PDZD8: variants seen among roughly 807,000 people sequenced by gnomAD.
PDZD8 encodes the protein PDZ domain-containing protein 8.
A neutral mutation model predicts 85.8 loss-of-function variants in PDZD8; 14 were observed. The observed-to-expected ratio is 0.16, with a 90% CI of 0.11 to 0.26. The LOEUF is 0.26. Ranked by LOEUF, PDZD8 falls within the 10% of genes least tolerant of loss-of-function variation. The pLI is 1.00. For missense variants in PDZD8, 1,197 were observed against 1,424.3 expected, an observed-to-expected ratio of 0.84 and a Z score of 2.57; for synonymous variants, 592 against 568.6, an observed-to-expected ratio of 1.04 and a Z score of -0.59.
chr10:117,364,557 T>G (rs1845056529), intron 1 of PDZD8, among the ~76,000 whole-genome samples: 1 of 152,006 alleles, frequency 6.6e-6, no homozygotes, highest in African/African-American at 2.4e-5. Context: ...AACCACTATT[T>G]TTTTTAACAT....
chr10:117,325,488 C>T (rs1283165930), intron 2 of PDZD8, among the ~76,000 whole-genome samples: 1 of 142,522 alleles, frequency 7.0e-6, no homozygotes, highest in East Asian at 2.1e-4. Context: ...CTACAACCTC[C>T]ACCTCCTGGG....
chr10:117,373,232 C>T (rs1196393261), intron 1 of PDZD8, among the ~76,000 whole-genome samples: 1 of 152,112 alleles, frequency 6.6e-6, no homozygotes, highest in African/African-American at 2.4e-5. Context: ...TTTAAGCCAT[C>T]AGATGCTGGA....
At chr10:117,343,322 T>C (rs1020717474) in intron 1 of PDZD8, among the ~76,000 whole-genome samples, 12 of 152,282 alleles carry the variant, frequency 7.9e-5, no homozygotes, top group African/African-American at 2.9e-4. Flanking sequence ...GGTTTTCTCC[T>C]GTTTCTAAAC....
Position 117,331,734 on chromosome 10 carries a change from A to G in PDZD8, c.995+9246T>C, listed in dbSNP as rs73407950. Among the ~76,000 whole-genome samples, 722 of 152,318 alleles carry G rather than the reference A, an allele frequency of 4.7e-3. 11 individuals carry two copies. Among genetic ancestry groups the G allele is most frequent in the African/African-American group, 0.017 (694 of 41,570 alleles). ...CTGTGTTCCTACTTAGTTTTCTTAC[A>G]TTCTCTTACAATTCAGACATCAGAA... On this transcript the variant is annotated intron_variant, in intron 2 of 4. Coordinates refer to ENST00000334464, the MANE Select transcript of PDZD8 (RefSeq NM_173791.5).
intron 1 of PDZD8, among the ~76,000 whole-genome samples, chr10:117,370,928 G>C (rs998560279): frequency 1.3e-5 from 2 of 151,554 alleles, no homozygotes; most frequent in Non-Finnish European, 2.9e-5. Context: ...TTGTGTGTGT[G>C]TGTGTGTGTG....
At chr10:117,286,987 A>G (rs1221666658) in intron 4 of PDZD8, among the ~76,000 whole-genome samples, 1 of 152,036 alleles carries the variant, frequency 6.6e-6, no homozygotes, top group African/African-American at 2.4e-5. Context: ...CTGTTTCCCT[A>G]AAGTCTACTC....
intron 1 of PDZD8, among the ~76,000 whole-genome samples, chr10:117,346,101 C>T (rs1029793718): frequency 5.9e-5 from 9 of 151,616 alleles, no homozygotes; most frequent in South Asian, 4.2e-4. Flanking sequence ...ATTAGCCGGG[C>T]GTGGTGGCAT....
At chr10:117,353,153 C>G (rs867434842) in intron 1 of PDZD8, among the ~76,000 whole-genome samples, 12 of 152,266 alleles carry the variant, frequency 7.9e-5, no homozygotes, top group Middle Eastern at 6.8e-3. Flanking sequence ...ATCATGGGCT[C>G]TCTATTAAAT....
intron 2 of PDZD8, among the ~76,000 whole-genome samples, chr10:117,334,400 T>C (rs547573404): frequency 3.9e-5 from 6 of 152,198 alleles, no homozygotes; most frequent in Admixed American, 3.9e-4. Context: ...TCCCAGCTAC[T>C]TGGGAGGCTG....
chr10:117,354,494 C>T (rs1844859286), intron 1 of PDZD8, among the ~76,000 whole-genome samples: 1 of 152,196 alleles, frequency 6.6e-6, no homozygotes, highest in Admixed American at 6.5e-5. Flanking sequence ...CCACAATATG[C>T]TCCTACCCCA....
chr10:117,283,358 T>G lies in PDZD8; in HGVS notation c.3375A>C (p.Glu1125Asp), dbSNP rs371134404. Reference sequence around the variant, plus strand: ...GTTGGCTTATTTCATTATCAAGGTCTTCTTCTGTATCATCTGTGTACTTGC... The same window carrying G: ...GTTGGCTTATTTCATTATCAAGGTCGTCTTCTGTATCATCTGTGTACTTGC... ...KISKYTDDTE[E>D]DLDNEISQLI... is the part of the protein sequence containing the mutation. Residue 1125 changes from glutamate (E) to aspartate (D), a missense_variant, in exon 5 of 5, where the codon GAA (glutamate) becomes GAC (aspartate). Physicochemically the swap from Glu to Asp is conservative, Grantham distance 45 (BLOSUM62 2). Coordinates refer to ENST00000334464, the MANE Select transcript of PDZD8 (RefSeq NM_173791.5). 2.1e-5 allele frequency: 34 copies of G among 1,614,052 alleles called. No individual in the cohort carries two copies. The highest frequency in any genetic ancestry group is 5.3e-5 in the African/African-American group (4 of 74,952).
chr10:117,304,781 A>G (rs1479615682), intron 3 of PDZD8, among the ~76,000 whole-genome samples: 1 of 152,134 alleles, frequency 6.6e-6, no homozygotes, highest in Non-Finnish European at 1.5e-5. Flanking sequence ...CTGCCATGTA[A>G]GAAGTGTCTT....
At chr10:117,359,928 G>A (rs911471239) in intron 1 of PDZD8, among the ~76,000 whole-genome samples, 2 of 150,902 alleles carry the variant, frequency 1.3e-5, no homozygotes, top group African/African-American at 4.9e-5. Flanking sequence ...TTCCTACAGA[G>A]AAAAAAAAGT....
At chr10:117,294,786 C>T (rs1041249838) in intron 3 of PDZD8, among the ~76,000 whole-genome samples, 5 of 152,042 alleles carry the variant, frequency 3.3e-5, no homozygotes, top group Non-Finnish European at 7.4e-5. Context: ...TATGATCTCA[C>T]TCATATGTGG....
At chr10:117,315,376 C>T (rs1344636425) in intron 3 of PDZD8, among the ~76,000 whole-genome samples, 1 of 152,006 alleles carries the variant, frequency 6.6e-6, no homozygotes, top group Non-Finnish European at 1.5e-5. Context: ...GGGTGGATCA[C>T]CTGAGACCAG....
rs1162402744 is a variant in PDZD8 at position 117,279,922 on chromosome 10, T to C, written c.*3346A>G. ...TCTTTTGGTAAGAAAAGCAATTATG[T>C]CAATTTAGAAGACAGTATTTTTAAA... On this transcript the variant is annotated 3_prime_UTR_variant, in exon 5 of 5. Coordinates refer to ENST00000334464, the MANE Select transcript of PDZD8 (RefSeq NM_173791.5). The C allele has an allele frequency of 6.6e-6, 1 of 152,214 alleles. No homozygotes were observed. The highest frequency in any genetic ancestry group is 1.5e-5 in the Non-Finnish European group (1 of 68,036). The allele number at this position is 152,214 out of a possible 1,614,324, so 9.4% of individuals were successfully genotyped here.
intron 3 of PDZD8, among the ~76,000 whole-genome samples, chr10:117,291,530 G>GAAA (rs71013655): frequency 7.0e-6 from 1 of 143,850 alleles, no homozygotes. Context: ...CTCCACCTCA[G>GAAA]AAAAAAAAAA....
At chr10:117,290,051 T>C (rs1379789709) in intron 4 of PDZD8, 135 bp downstream of exon 4, 2 of 694,178 alleles carry the variant, frequency 2.9e-6, no homozygotes, top group African/African-American at 3.6e-5. Context: ...ATAATAAAGT[T>C]TATTACTTTA....
In PDZD8 at chr10:117,283,411, A is replaced by C; in HGVS notation, c.3322T>G (p.Ser1108Ala). The change falls in exon 5 of 5, where the codon TCT (serine) becomes GCT (alanine). Residue 1108 changes from serine (S) to alanine (A), a missense_variant. Coordinates refer to ENST00000334464, the MANE Select transcript of PDZD8 (RefSeq NM_173791.5). Reference protein sequence around the residue: ...IEDIETLESLSLDQHSKKISK... With the variant: ...IEDIETLESLALDQHSKKISK... ...ATTTTTTTGGAGTGCTGGTCTAAAG[A>C]CAGACTTTCTAAAGTTTCTATATCT... The C allele has an allele frequency of 6.2e-7, 1 of 1,614,108 alleles. No individual in the cohort carries two copies.
Sources: gnomAD v4.1 joint callset for allele counts (sites outside exome capture counted in the v4.1 genomes callset) on GRCh38, gnomAD v4.1.1 for gene constraint, MANE v1.5 for transcripts, NCBI Gene and HGNC (gene_info 2026-07-23, HGNC 2026-07-21) for gene names.